The following TAOK1 variants were observed in gnomAD, a reference collection of about 807,000 sequenced individuals.
The protein encoded by TAOK1 is TAO kinase 1.
Under a neutral mutation model 138.3 loss-of-function variants are expected in TAOK1, and 21 were observed. The ratio of observed to expected loss-of-function variants is 0.15; its 90% CI spans 0.11 to 0.22. The LOEUF is 0.22. Ranked by LOEUF, TAOK1 falls within the 10% of genes least tolerant of loss-of-function variation. TAOK1 has a pLI of 1.00. For synonymous variants in TAOK1, 361 were observed against 398.4 expected (o/e 0.91, Z 1.12); for missense variants, 651 against 1,227.7 (o/e 0.53, Z 7.02).
At chr17:29,405,652 G>A (rs891100097) in intron 1 of TAOK1, among the ~76,000 whole-genome samples, 6 of 152,018 alleles carry the variant, frequency 3.9e-5, no homozygotes, top group Admixed American at 6.6e-5. Flanking sequence ...GGTGGCTCTC[G>A]CCTGTAATCC....
At chr17:29,485,351 T>G (rs186936728) in intron 8 of TAOK1, among the ~76,000 whole-genome samples, 2 of 152,206 alleles carry the variant, frequency 1.3e-5, no homozygotes, top group African/African-American at 2.4e-5. Context: ...ATAGTTCTAC[T>G]CTCAGCTGGA....
chr17:29,393,368 A>G (rs1449694331), intron 1 of TAOK1, among the ~76,000 whole-genome samples: 1 of 152,168 alleles, frequency 6.6e-6, no homozygotes, highest in Non-Finnish European at 1.5e-5. Context: ...TGCTATAACT[A>G]AGGACAACTG....
At chr17:29,424,343 AG>A (rs1905562903) in intron 1 of TAOK1, among the ~76,000 whole-genome samples, 1 of 149,014 alleles carries the variant, frequency 6.7e-6, no homozygotes, top group African/African-American at 2.5e-5. Flanking sequence ...AGGCTGAGGC[AG>A]GAGAATAGCG....
In TAOK1 at chr17:29,549,943, T is replaced by C. The variant is rs1235940107; in HGVS notation, c.*6921T>C. On this transcript the variant is annotated 3_prime_UTR_variant, in exon 20 of 20. Transcript: ENST00000261716. Reference sequence around the variant, plus strand: ...AGGAGTGCCCCTCCAATTAATTACATGTGTCCAAGAATAATCCAAGCTAGA... The same window carrying C: ...AGGAGTGCCCCTCCAATTAATTACACGTGTCCAAGAATAATCCAAGCTAGA... 3 of 151,960 alleles carry C rather than the reference T, an allele frequency of 2.0e-5. No individual in the cohort carries two copies. The highest frequency in any genetic ancestry group is 4.4e-5 in the Non-Finnish European group (3 of 68,010). 9.4% of individuals were successfully genotyped at this position (151,960 alleles called of 1,614,324 possible). A position where few individuals can be genotyped will look rare whatever the true frequency, so the allele number is the denominator to read the frequency against.
At chr17:29,453,809 GTTTTTTTTT>G (rs532165582) in intron 2 of TAOK1, among the ~76,000 whole-genome samples, 1 of 120,246 alleles carries the variant, frequency 8.3e-6, no homozygotes, top group African/African-American at 3.0e-5. Context: ...AGGTTTTTTT[GTTTTTTTTT>G]TTTTTGAGAC....
intron 1 of TAOK1, among the ~76,000 whole-genome samples, chr17:29,417,183 T>G (rs1424269071): frequency 6.6e-6 from 1 of 152,092 alleles, no homozygotes; most frequent in Non-Finnish European, 1.5e-5. Flanking sequence ...CCTGGCTAAT[T>G]TATGTATTTT....
intron 8 of TAOK1, among the ~76,000 whole-genome samples, chr17:29,487,400 A>G (rs1267389740): frequency 1.3e-5 from 2 of 152,220 alleles, no homozygotes; most frequent in South Asian, 2.1e-4. Flanking sequence ...TAAGTATTCA[A>G]TATACATCAT....
intron 1 of TAOK1, among the ~76,000 whole-genome samples, chr17:29,449,290 C>A (rs988197217): frequency 1.3e-5 from 2 of 152,020 alleles, no homozygotes; most frequent in African/African-American, 4.8e-5. Flanking sequence ...CTTGGAAGAA[C>A]TGTGATTAAG....
At chr17:29,440,352 G>A (rs1567718975) in intron 1 of TAOK1, among the ~76,000 whole-genome samples, 1 of 152,070 alleles carries the variant, frequency 6.6e-6, no homozygotes, top group African/African-American at 2.4e-5. Flanking sequence ...TTGTGAGAGA[G>A]ACATTACAAG....
chr17:29,520,409 G>A (rs34223173), intron 16 of TAOK1, among the ~76,000 whole-genome samples: 8 of 151,628 alleles, frequency 5.3e-5, no homozygotes, highest in South Asian at 2.1e-4. Context: ...GGGCAACATC[G>A]CAAGACCCTG....
At chr17:29,481,734 C>T (rs547595034) in intron 7 of TAOK1, among the ~76,000 whole-genome samples, 2 of 151,944 alleles carry the variant, frequency 1.3e-5, no homozygotes, top group African/African-American at 4.8e-5. Context: ...CCAAGGCGGG[C>T]GGATCACCAG....
At chr17:29,531,441 A>T (rs1412282586) in intron 18 of TAOK1, among the ~76,000 whole-genome samples, 1 of 149,994 alleles carries the variant, frequency 6.7e-6, no homozygotes, top group African/African-American at 2.5e-5. Context: ...TATTTTCTAT[A>T]TAAGAGCTTT....
rs567287218 is a variant in TAOK1 at position 29,530,574 on chromosome 17, T to C, written c.2316T>C (p.Ala772=). 5 of 1,614,194 alleles carry C rather than the reference T, an allele frequency of 3.1e-6. No individual in the cohort carries two copies. The East Asian group carries it at 6.7e-5, about 22-fold the overall frequency. ...AGACCCGGAAATTAGCTATCTTGGC[T>C]GAGCAGTATGATCACAGCATTAATG... The part of the protein sequence containing the change: ...EEQTRKLAIL[A]EQYDHSINEM... The change falls in exon 18 of 20, where the codon GCT becomes GCC. Residue 772 remains alanine (A), a synonymous_variant. Coordinates refer to ENST00000261716, the MANE Select transcript of TAOK1 (RefSeq NM_020791.4).
intron 1 of TAOK1, among the ~76,000 whole-genome samples, chr17:29,444,504 G>T (rs184897576): frequency 6.6e-6 from 1 of 152,120 alleles, no homozygotes; most frequent in Non-Finnish European, 1.5e-5. Flanking sequence ...GGGAGTTCTC[G>T]TGTATTTATA....
chr17:29,457,094 T>TC (rs1390248755), intron 2 of TAOK1, among the ~76,000 whole-genome samples: 17 of 87,714 alleles, frequency 1.9e-4, no homozygotes, highest in Admixed American at 3.7e-4. Flanking sequence ...TTTTTCTTTT[T>TC]TTTTTTTTTT....
intron 17 of TAOK1, among the ~76,000 whole-genome samples, chr17:29,523,280 G>GA (rs754064179): frequency 0.015 from 2,100 of 141,718 alleles, 27 homozygotes; most frequent in Non-Finnish European, 0.019. Context: ...CTACTAGTTA[G>GA]AAAAAAAAAA....
At chr17:29,397,728 T>C (rs563945418) in intron 1 of TAOK1, among the ~76,000 whole-genome samples, 4 of 133,640 alleles carry the variant, frequency 3.0e-5, no homozygotes, top group South Asian at 4.8e-4. Context: ...TGTATGTATA[T>C]ACATATATAC....
At chr17:29,519,766 C>T (rs1208106444) in intron 16 of TAOK1, among the ~76,000 whole-genome samples, 1 of 152,058 alleles carries the variant, frequency 6.6e-6, no homozygotes. Context: ...TGATATTGCC[C>T]CTTTGGAGCA....
At chr17:29,492,161 C>T (rs748545148) in intron 10 of TAOK1, among the ~76,000 whole-genome samples, 11 of 152,298 alleles carry the variant, frequency 7.2e-5, no homozygotes, top group Non-Finnish European at 1.5e-4. Flanking sequence ...GCTTGGATTA[C>T]AGGCATGAGC....
Sources: allele counts gnomAD v4.1 joint callset (sites outside exome capture counted in the v4.1 genomes callset), GRCh38; gene constraint gnomAD v4.1.1; transcripts MANE v1.5; gene names NCBI Gene and HGNC (gene_info 2026-07-23, HGNC 2026-07-21).